Variants in ZNF607 observed in about 807,000 individuals in gnomAD.
The protein encoded by ZNF607 is zinc finger protein 607.
Under a neutral mutation model 12.8 loss-of-function variants are expected in ZNF607, and 5 were observed. The observed-to-expected ratio is 0.39, with a 90% CI of 0.20 to 0.82. ZNF607 has a LOEUF of 0.82. Ranked by LOEUF, ZNF607 falls within the 40% of genes least tolerant of loss-of-function variation. The pLI, the probability that ZNF607 is intolerant of heterozygous loss-of-function variation, is 0.39. For synonymous variants in ZNF607, 287 were observed against 276.2 expected (o/e 1.04, Z -0.39); for missense variants, 851 against 859.2 (o/e 0.99, Z 0.12).
Position 37,698,414 on chromosome 19 carries a change from C to A in ZNF607, c.1717G>T (p.Ala573Ser). The A allele has an allele frequency of 6.2e-7, 1 of 1,614,168 alleles. No homozygotes were observed. The highest frequency in any genetic ancestry group is 8.5e-7 in the Non-Finnish European group (1 of 1,180,010). Residue 573 changes from alanine to serine, a missense_variant, in exon 5 of 5, where the codon GCC becomes TCC. Coordinates refer to ENST00000355202, the MANE Select transcript of ZNF607 (RefSeq NM_032689.5). ...CGGTCATGATATATGAGGCTTGTGG[C>A]ATGACGAAAGGCCTTGCCACATTCC... The part of the protein sequence containing the change: ...CKECGKAFRH[A>S]TSLIYHDRTH...
intron 2 of ZNF607, among the ~76,000 whole-genome samples, chr19:37,711,019 GTTTGT>G (rs1305590102): frequency 2.0e-5 from 3 of 152,092 alleles, no homozygotes; most frequent in African/African-American, 7.2e-5. Context: ...GAGCATTTTT[GTTTGT>G]TTTGACAAAG....
rs112697382 is a variant in ZNF607, at chr19:37,713,683, C to T, written c.-74-1991G>A. On this transcript the variant is annotated intron_variant, in intron 1 of 4. Coordinates refer to ENST00000355202, the MANE Select transcript of ZNF607 (RefSeq NM_032689.5). ...CTCAAACTCTTGACCTCGTGATCTG[C>T]CAGCCTCAGCCTCCCACAGTGCTGG... is the stretch of plus-strand genomic sequence containing the variant. Among the ~76,000 whole-genome samples, 1,056 of 152,126 alleles carry T rather than the reference C, an allele frequency of 6.9e-3. 11 individuals carry two copies. The highest frequency in any genetic ancestry group is 0.021 in the African/African-American group (870 of 41,510).
chr19:37,698,442 A>G lies in ZNF607; in HGVS notation c.1689T>C (p.Cys563=). ...GACGAAAGGCCTTGCCACATTCCTT[A>G]CATTCGTAGGGTTTCTCAGCGCTAT... is the stretch of plus-strand genomic sequence containing the variant. ...NIHSAEKPYE[C]KECGKAFRHA... is the part of the protein sequence containing the mutation. The change falls in exon 5 of 5, where the codon TGT becomes TGC. Residue 563 remains cysteine (C), a synonymous_variant. Transcript: ENST00000355202. 1 of 1,614,188 alleles carries G rather than the reference A, an allele frequency of 6.2e-7. No individual in the cohort carries two copies. The highest frequency in any genetic ancestry group is 8.5e-7 in the Non-Finnish European group (1 of 1,180,018).
chr19:37,702,990 T>C (rs2045051729), intron 4 of ZNF607, among the ~76,000 whole-genome samples: 1 of 151,884 alleles, frequency 6.6e-6, no homozygotes, highest in Non-Finnish European at 1.5e-5. Context: ...TTCGCTCTTG[T>C]TGCCCAGGTT....
chr19:37,698,029 C>T lies in ZNF607; in HGVS notation c.*11G>A, dbSNP rs758495663. The T allele has an allele frequency of 1.5e-5, 23 of 1,568,840 alleles. No individual in the cohort carries two copies. Among genetic ancestry groups the T allele is most frequent in the Non-Finnish European group, 1.9e-5 (22 of 1,163,394 alleles). ...CTTTCTTTACTACCTGTATATGCCA[C>T]AATTTCTCTATCAAATATGAATTCT... is the stretch of plus-strand genomic sequence containing the variant. On this transcript the variant is annotated 3_prime_UTR_variant, in exon 5 of 5. Transcript: ENST00000355202.
chr19:37,711,614 G>A lies in ZNF607; in HGVS notation c.5C>T (p.Ser2Phe), dbSNP rs12461753. Residue 2 changes from serine to phenylalanine, a missense_variant, in exon 2 of 5, where the codon TCC becomes TTC. Coordinates refer to ENST00000355202, the MANE Select transcript of ZNF607 (RefSeq NM_032689.5). M[S>F]YGSITFGDVA... ...TGGCGAGAAATATCAACTTACATAG[G>A]ACATGGTTTGAGACTGGCAAGAGTT... 302,079 of 1,613,118 alleles carry A rather than the reference G, an allele frequency of 0.19. 29,805 individuals carry two copies. Among genetic ancestry groups the A allele is most frequent in the Middle Eastern group, 0.3 (1,821 of 6,056 alleles).
chr19:37,713,548 GC>G (rs2045149416), intron 1 of ZNF607, among the ~76,000 whole-genome samples: 1 of 151,464 alleles, frequency 6.6e-6, no homozygotes, highest in African/African-American at 2.4e-5. Context: ...TGGTTCTCCT[GC>G]CTCAGCCTCC....
Position 37,698,611 on chromosome 19 carries a change from C to T in ZNF607, c.1520G>A (p.Cys507Tyr), listed in dbSNP as rs753162200. The T allele has an allele frequency of 1.2e-6, 2 of 1,614,134 alleles. No homozygotes were observed. Among genetic ancestry groups the T allele is most frequent in the Admixed American group, 1.7e-5 (1 of 60,020 alleles). ...RVHTGEKPYE[C>Y]KECGKAFSVS... The stretch of plus-strand genomic sequence containing the variant: ...ACTAAAGGCCTTCCCACATTCCTTA[C>T]ATTCATAAGGTTTCTCACCAGTATG... The change falls in exon 5 of 5, where the codon TGT becomes TAT. Residue 507 changes from cysteine to tyrosine, a missense_variant. By Grantham distance (194) the Cys-to-Tyr change is radical. Transcript: ENST00000355202.
intron 4 of ZNF607, among the ~76,000 whole-genome samples, chr19:37,701,247 T>C (rs978723623): frequency 6.6e-6 from 1 of 152,182 alleles, no homozygotes; most frequent in Non-Finnish European, 1.5e-5. Context: ...ACAATAAAAA[T>C]AGTAGTGTTG....
intron 1 of ZNF607, among the ~76,000 whole-genome samples, chr19:37,713,521 C>T (rs577925372): frequency 2.0e-5 from 3 of 151,934 alleles, no homozygotes; most frequent in Admixed American, 2.0e-4. Flanking sequence ...CTGCAAACTC[C>T]GCCTTCTGGT....
At chr19:37,716,006 T>C (rs2045173531) in intron 1 of ZNF607, among the ~76,000 whole-genome samples, 1 of 152,218 alleles carries the variant, frequency 6.6e-6, no homozygotes, top group East Asian at 1.9e-4. Context: ...CTAAAAGGTA[T>C]AAAAACTTGG....
rs2045100564 is a variant in ZNF607 at position 37,707,978 on chromosome 19, G to A, written c.171C>T (p.Thr57=). ...ATGGCTCTTTTCCTTGCTCCAATAA[G>A]GTGATTAAATCTGGCTTAGATACGG... ...GHSVSKPDLI[T]LLEQGKEPWM... Residue 57 remains threonine (T), a synonymous_variant, in exon 4 of 5, where the codon ACC becomes ACT. Transcript: ENST00000355202. The A allele has an allele frequency of 1.2e-6, 2 of 1,613,888 alleles. No homozygotes were observed. The highest frequency in any genetic ancestry group is 2.2e-5 in the East Asian group (1 of 44,868).
At chr19:37,718,919 T>A (rs192690429) in intron 1 of ZNF607, 1 of 152,354 alleles carries the variant, frequency 6.6e-6, no homozygotes, top group Non-Finnish European at 1.5e-5. Context: ...ACAGCCGGGA[T>A]CCCAATACCT....
chr19:37,717,583 G>A (rs867406744), intron 1 of ZNF607, among the ~76,000 whole-genome samples: 5 of 150,430 alleles, frequency 3.3e-5, no homozygotes, highest in Non-Finnish European at 7.4e-5. Flanking sequence ...ATCACCTGAG[G>A]TTGGGAGTTC....
intron 4 of ZNF607, among the ~76,000 whole-genome samples, chr19:37,704,864 T>C (rs2045067823): frequency 1.3e-5 from 2 of 152,104 alleles, no homozygotes; most frequent in East Asian, 3.9e-4. Context: ...GGCAGGAGAA[T>C]GGCGTGAACC....
rs751461038 is a variant in ZNF607, at chr19:37,699,001, T to C, written c.1130A>G (p.His377Arg). Residue 377 changes from histidine to arginine, a missense_variant, in exon 5 of 5, where the codon CAT (histidine) becomes CGT (arginine). By Grantham distance (29) the His-to-Arg change is conservative. Coordinates refer to ENST00000355202, the MANE Select transcript of ZNF607 (RefSeq NM_032689.5). ...CEECGKAFSV[H>R]GRLTRHQGIH... ...ACCCTGATGTCGAGTAAGTCGTCCATGCACACTAAAGGCTTTCCCACATTC... is the reference window on the plus strand; with the variant it reads ...ACCCTGATGTCGAGTAAGTCGTCCACGCACACTAAAGGCTTTCCCACATTC... 3 of 1,613,900 alleles carry C rather than the reference T, an allele frequency of 1.9e-6. No individual in the cohort carries two copies. Among genetic ancestry groups the C allele is most frequent in the Admixed American group, 3.3e-5 (2 of 60,000 alleles).
chr19:37,704,900 G>A (rs562259653), intron 4 of ZNF607, among the ~76,000 whole-genome samples: 1 of 152,120 alleles, frequency 6.6e-6, no homozygotes, highest in South Asian at 2.1e-4. Flanking sequence ...GCAGTGAGCC[G>A]AGATTGCGCC....
In ZNF607 at chr19:37,702,189, A is replaced by C. The variant is rs537733741; in HGVS notation, c.236-2294T>G. Among the ~76,000 whole-genome samples the C allele has an allele frequency of 8.0e-5, 12 of 149,436 alleles. No homozygotes were observed. In the East Asian group the frequency reaches 2.2e-3, roughly 28 times the overall value. ...GTAATCCCAGCTACTCGGGAGGCTG[A>C]GGCAAGGAAATCACTTGAACCTGGG... On this transcript the variant is annotated intron_variant, in intron 4 of 4. Coordinates refer to ENST00000355202, the MANE Select transcript of ZNF607 (RefSeq NM_032689.5).
Position 37,698,349 on chromosome 19 carries a change from A to C in ZNF607, c.1782T>G (p.Cys594Trp), listed in dbSNP as rs1412177326. 6.2e-7 allele frequency: 1 copy of C among 1,614,114 alleles called. No individual in the cohort carries two copies. Among genetic ancestry groups the C allele is most frequent in the Admixed American group, 1.7e-5 (1 of 60,016 alleles). The change falls in exon 5 of 5, where the codon TGT (cysteine) becomes TGG (tryptophan). Residue 594 changes from cysteine to tryptophan, a missense_variant. Cys to Trp is a radical substitution (Grantham distance 215). Transcript: ENST00000355202. Reference sequence around the variant, plus strand: ...GTGAAGCATGACTAAAAGTTTCCCCACATTCTTTACATTCATAGGACTTTT... The same window carrying C: ...GTGAAGCATGACTAAAAGTTTCCCCCCATTCTTTACATTCATAGGACTTTT... ...AGEKSYECKECGETFSHASHL... is the reference protein window; with the variant it reads ...AGEKSYECKEWGETFSHASHL...
Sources: gnomAD v4.1 joint callset for allele counts (sites outside exome capture counted in the v4.1 genomes callset) on GRCh38, gnomAD v4.1.1 for gene constraint, MANE v1.5 for transcripts, NCBI Gene and HGNC (gene_info 2026-07-23, HGNC 2026-07-21) for gene names.